The following L2HGDH variants were observed in gnomAD, a reference collection of about 807,000 sequenced individuals.
L2HGDH encodes L-2-hydroxyglutarate dehydrogenase, mitochondrial.
A neutral mutation model predicts 51.5 loss-of-function variants in L2HGDH; 34 were observed. That is an observed-to-expected ratio of 0.66 (90% CI 0.50 to 0.88). The LOEUF is 0.88. Among genes scored for constraint, L2HGDH ranks in the 40% least tolerant of loss-of-function variants. L2HGDH has a pLI of 0.00. For missense variants in L2HGDH, 558 were observed against 571.9 expected (o/e 0.98, Z 0.25); for synonymous variants, 198 against 197.9 (o/e 1.00, Z -0.01).
chr14:50,289,362 T>C (rs1890737554), intron 4 of L2HGDH, among the ~76,000 whole-genome samples: 1 of 152,184 alleles, frequency 6.6e-6, no homozygotes, highest in South Asian at 2.1e-4. Context: ...GGGGGAAGAA[T>C]ACACATAACT....
chr14:50,302,665 C>A (rs967404725), intron 2 of L2HGDH, among the ~76,000 whole-genome samples: 1 of 152,130 alleles, frequency 6.6e-6, no homozygotes, highest in Non-Finnish European at 1.5e-5. Flanking sequence ...TTTCCTCACC[C>A]CCTCACTCCT....
chr14:50,250,641 T>C (rs1185944833), intron 9 of L2HGDH, among the ~76,000 whole-genome samples: 3 of 152,164 alleles, frequency 2.0e-5, no homozygotes, highest in Non-Finnish European at 4.4e-5. Flanking sequence ...GCAGTCCCAG[T>C]GGTGGTGGCC....
intron 9 of L2HGDH, among the ~76,000 whole-genome samples, chr14:50,262,300 C>T (rs567054703): frequency 9.2e-5 from 14 of 151,872 alleles, no homozygotes; most frequent in African/African-American, 1.4e-4. Flanking sequence ...CATGGTGGCA[C>T]GTGCCTGTAA....
chr14:50,300,554 CAA>C (rs2030350590), intron 3 of L2HGDH, among the ~76,000 whole-genome samples: 1 of 152,192 alleles, frequency 6.6e-6, no homozygotes, highest in Non-Finnish European at 1.5e-5. Context: ...CTCAGCCTCC[CAA>C]AGTGCTGAGA....
At position 50,245,316 on chromosome 14, in the gene L2HGDH, G is replaced by T; in HGVS notation, c.*1742C>A. On this transcript the variant is annotated 3_prime_UTR_variant, in exon 10 of 10. Coordinates refer to ENST00000267436, the MANE Select transcript of L2HGDH (RefSeq NM_024884.3). ...TTGGAGTTCTATACATCAGTGTCAGGATTCTAAAACTGCTCTCATAAAAAT... is the reference window on the plus strand; with the variant it reads ...TTGGAGTTCTATACATCAGTGTCAGTATTCTAAAACTGCTCTCATAAAAAT... 2 of 985,016 alleles carry T rather than the reference G, an allele frequency of 2.0e-6. No individual in the cohort carries two copies. The highest frequency in any genetic ancestry group is 9.4e-5 in the South Asian group (2 of 21,282). 61.0% of individuals were successfully genotyped at this position (985,016 alleles called of 1,614,324 possible). A position where few individuals can be genotyped will look rare whatever the true frequency, so the allele number is the denominator to read the frequency against.
chr14:50,305,790 C>T (rs1237009812), intron 1 of L2HGDH, among the ~76,000 whole-genome samples: 2 of 152,084 alleles, frequency 1.3e-5, no homozygotes, highest in Non-Finnish European at 2.9e-5. Flanking sequence ...CCATGGATAC[C>T]GAAATCCACG....
intron 1 of L2HGDH, among the ~76,000 whole-genome samples, chr14:50,306,016 C>T (rs11851370): frequency 0.53 from 80,759 of 151,392 alleles, 21,672 homozygotes; most frequent in East Asian, 0.65. Flanking sequence ...AGATGCAGAA[C>T]CCACAAAAAC....
chr14:50,287,589 C>G (rs1890628469), intron 4 of L2HGDH, among the ~76,000 whole-genome samples: 2 of 149,198 alleles, frequency 1.3e-5, no homozygotes, highest in South Asian at 4.2e-4. Flanking sequence ...TTCTTTCATT[C>G]TTCAAGGTAA....
chr14:50,244,481 T>C lies in L2HGDH; in HGVS notation c.*2577A>G, dbSNP rs1197891314. Reference sequence around the variant, plus strand: ...CTACTGACAAAATACAGAATGATAATATTTTCCATCTCTTAGTAATCTTGT... The same window carrying C: ...CTACTGACAAAATACAGAATGATAACATTTTCCATCTCTTAGTAATCTTGT... On this transcript the variant is annotated 3_prime_UTR_variant, in exon 10 of 10. Coordinates refer to ENST00000267436, the MANE Select transcript of L2HGDH (RefSeq NM_024884.3). 2.0e-6 allele frequency: 2 copies of C among 985,332 alleles called. No homozygotes were observed. Among genetic ancestry groups the C allele is most frequent in the Admixed American group, 1.2e-4 (2 of 16,272 alleles). The allele number at this position is 985,332 out of a possible 1,614,324, so 61.0% of individuals were successfully genotyped here.
chr14:50,281,847 T>G lies in L2HGDH; in HGVS notation c.703+2024A>C, dbSNP rs185314532. 4.6e-3 allele frequency among the ~76,000 whole-genome samples: 701 copies of G among 151,678 alleles called. 5 individuals are homozygous for G. The highest frequency in any genetic ancestry group is 9.4e-3 in the African/African-American group (391 of 41,452). ...CATTTAGAGATACTTTTTATTTTTT[T>G]TGTGTGTGTGTGTGACGGAGTCTCG... On this transcript the variant is annotated intron_variant, in intron 5 of 9. Coordinates refer to ENST00000267436, the MANE Select transcript of L2HGDH (RefSeq NM_024884.3).
chr14:50,271,004 A>C (rs1018662805), intron 6 of L2HGDH, among the ~76,000 whole-genome samples: 2 of 152,068 alleles, frequency 1.3e-5, no homozygotes, highest in Non-Finnish European at 2.9e-5. Flanking sequence ...CTTTGAAGTC[A>C]AAAGGGCTGT....
chr14:50,252,014 A>G (rs1173661443), intron 9 of L2HGDH, among the ~76,000 whole-genome samples: 1 of 152,054 alleles, frequency 6.6e-6, no homozygotes, highest in African/African-American at 2.4e-5. Context: ...CTCATCTTAC[A>G]TAGAAAGATT....
rs555358148 is a variant in L2HGDH at position 50,259,001 on chromosome 14, C to G, written c.1196+6357G>C. 1.1e-4 allele frequency among the ~76,000 whole-genome samples: 17 copies of G among 149,024 alleles called. 1 individual carries two copies. The highest frequency in any genetic ancestry group is 3.5e-3 in the Middle Eastern group (1 of 284). ...GACTACAGGCATATGCGCACCACCA[C>G]GCCAGGCTCTTTTTTTTTTTTTTTT... is the stretch of plus-strand genomic sequence containing the variant. On this transcript the variant is annotated intron_variant, in intron 9 of 9. Coordinates refer to ENST00000267436, the MANE Select transcript of L2HGDH (RefSeq NM_024884.3).
chr14:50,285,020 G>A (rs1291794031), intron 4 of L2HGDH, among the ~76,000 whole-genome samples: 3 of 152,186 alleles, frequency 2.0e-5, no homozygotes, highest in Admixed American at 6.5e-5. Context: ...GGCTGAGGCA[G>A]GCGGATCACA....
rs1232119740 is a variant in L2HGDH at position 50,312,080 on chromosome 14, G to A, written c.71C>T (p.Pro24Leu). The change falls in exon 1 of 10, where the codon CCT (proline) becomes CTT (leucine). Residue 24 changes from proline (P) to leucine (L), a missense_variant. This residue lies in a region of L2HGDH where 194 missense variants were observed against 187.2 expected (regional missense o/e 1.04). Transcript: ENST00000267436. ...RARGLFAGGS[P>L]GACGFASGRP... The stretch of plus-strand genomic sequence containing the variant: ...CCCAGACGCGAACCCGCACGCCCCA[G>A]GGGAGCCACCGGCGAAAAGCCCGCG... 1.2e-6 allele frequency: 2 copies of A among 1,604,420 alleles called. No homozygotes were observed. The highest frequency in any genetic ancestry group is 1.3e-5 in the African/African-American group (1 of 74,798).
chr14:50,265,517 G>A (rs1448793377), intron 8 of L2HGDH, 28 bp from the exon 9 acceptor site: 8 of 1,590,534 alleles, frequency 5.0e-6, no homozygotes, highest in Non-Finnish European at 6.0e-6. Flanking sequence ...AAATCTTTAT[G>A]AGAGAAAGGA....
intron 7 of L2HGDH, among the ~76,000 whole-genome samples, chr14:50,268,346 T>C (rs1595088583): frequency 7.7e-6 from 1 of 130,294 alleles, no homozygotes; most frequent in South Asian, 2.6e-4. Flanking sequence ...GCCACTGCAC[T>C]CCAGCCTGGG....
At chr14:50,265,567 C>T in intron 8 of L2HGDH, 78 bp from the exon 9 acceptor site, 2 of 1,267,792 alleles carry the variant, frequency 1.6e-6, no homozygotes, top group Non-Finnish European at 2.2e-6. Flanking sequence ...TTATTAGATT[C>T]TTTTTTTATG....
rs139818330 is a variant in L2HGDH, at chr14:50,301,881, T to A, written c.408+136A>T. 9.8e-4 allele frequency: 842 copies of A among 860,046 alleles called. 13 individuals are homozygous for A. In the African/African-American group the frequency reaches 0.013, roughly 13 times the overall value. The allele number at this position is 860,046 out of a possible 1,614,324, so 53.3% of individuals were successfully genotyped here. On this transcript the variant is annotated intron_variant, in intron 3 of 9. Coordinates refer to ENST00000267436, the MANE Select transcript of L2HGDH (RefSeq NM_024884.3). Reference sequence around the variant, plus strand: ...TACATAACGTCACACCATCTTTTTTTAGTTATTCCCTAAGATTAGATTTGA... The same window carrying A: ...TACATAACGTCACACCATCTTTTTTAAGTTATTCCCTAAGATTAGATTTGA...
Sources: gnomAD v4.1 joint callset for allele counts (sites outside exome capture counted in the v4.1 genomes callset) on GRCh38, gnomAD v4.1.1 for gene constraint, gnomAD v4.1.1 regional missense constraint, MANE v1.5 for transcripts, NCBI Gene and HGNC (gene_info 2026-07-23, HGNC 2026-07-21) for gene names.